UNC79: variants seen among roughly 807,000 people sequenced by gnomAD.
UNC79 encodes protein unc-79 homolog.
UNC79 carries 37 observed loss-of-function variants against 283.1 expected under a neutral mutation model. The ratio of observed to expected loss-of-function variants is 0.13; its 90% CI spans 0.10 to 0.17. The LOEUF (loss-of-function observed/expected upper bound fraction) is 0.17. UNC79 is among the 10% of genes least tolerant of loss of function. The pLI, the probability that UNC79 is intolerant of heterozygous loss-of-function variation, is 1.00. For missense variants in UNC79, 2,272 were observed against 3,211.1 expected (o/e 0.71, Z 7.07); for synonymous variants, 1,107 against 1,200.2 (o/e 0.92, Z 1.61).
intron 30 of UNC79, among the ~76,000 whole-genome samples, chr14:93,628,575 G>T (rs2140039229): frequency 6.6e-6 from 1 of 152,172 alleles, no homozygotes; most frequent in Middle Eastern, 3.4e-3. Flanking sequence ...CCAAATGAAA[G>T]CTCCTGAAGG....
At chr14:93,628,759 A>G (rs1436168260) in intron 30 of UNC79, among the ~76,000 whole-genome samples, 1 of 152,246 alleles carries the variant, frequency 6.6e-6, no homozygotes, top group Non-Finnish European at 1.5e-5. Context: ...TTTATCTTAA[A>G]TTTATGCAAG....
At chr14:93,626,643 C>A (rs1438294662) in intron 30 of UNC79, among the ~76,000 whole-genome samples, 1 of 152,146 alleles carries the variant, frequency 6.6e-6, no homozygotes. Context: ...AAAGTTGTCT[C>A]TTCCAAACTC....
rs540844018 is a variant in UNC79, at chr14:93,344,437, G to A, written c.-351+10914G>A. ...GAAAGTGTCCTAACTTCAGAATAGGGAGAATTCAAACCAGGGCTTTGAACA... is the reference window on the plus strand; with the variant it reads ...GAAAGTGTCCTAACTTCAGAATAGGAAGAATTCAAACCAGGGCTTTGAACA... On this transcript the variant is annotated intron_variant, in intron 1 of 49. Transcript: ENST00000256339. Among the ~76,000 whole-genome samples, 3 of 152,304 alleles carry A rather than the reference G, an allele frequency of 2.0e-5. No homozygotes were observed. The South Asian group carries it at 6.2e-4, about 32-fold the overall frequency.
intron 37 of UNC79, 127 bp from the exon 41 acceptor site, chr14:93,655,107 C>A: frequency 1.0e-6 from 1 of 967,856 alleles, no homozygotes; most frequent in Non-Finnish European, 1.5e-6. Flanking sequence ...CAGGGATTGG[C>A]CTATGTAGTA....
chr14:93,672,865 G>C (rs1366609706), intron 40 of UNC79, among the ~76,000 whole-genome samples: 2 of 152,182 alleles, frequency 1.3e-5, no homozygotes, highest in African/African-American at 4.8e-5. Flanking sequence ...AAAGCAAAAT[G>C]ATGTGATCTG....
At chr14:93,559,904 A>G (rs1466242906) in intron 14 of UNC79, among the ~76,000 whole-genome samples, 1 of 152,086 alleles carries the variant, frequency 6.6e-6, no homozygotes, top group Non-Finnish European at 1.5e-5. Context: ...GGGACAGGGA[A>G]AATTTTTTGG....
chr14:93,393,565 A>AT (rs1383467864), intron 1 of UNC79, among the ~76,000 whole-genome samples: 1 of 152,184 alleles, frequency 6.6e-6, no homozygotes, highest in African/African-American at 2.4e-5. Context: ...TATTCTTGCC[A>AT]TTTTTCTAGG....
intron 7 of UNC79, among the ~76,000 whole-genome samples, chr14:93,503,098 A>T (rs1300389015): frequency 2.0e-5 from 3 of 152,198 alleles, no homozygotes; most frequent in Non-Finnish European, 4.4e-5. Context: ...CCCCAAAGGT[A>T]ACTACTGACA....
At chr14:93,637,286 A>C (rs1358512261) in exon 32 of UNC79, 2 of 1,613,254 alleles carry the variant, frequency 1.2e-6, no homozygotes, top group African/African-American at 2.7e-5. Context: ...AGGGACAGCC[A>C]TTGAGGATGA....
intron 11 of UNC79, among the ~76,000 whole-genome samples, chr14:93,536,782 C>CCTT (rs1567069571): frequency 1.2e-4 from 10 of 82,426 alleles, no homozygotes; most frequent in Admixed American, 1.4e-4. Context: ...CCACCCCCGG[C>CCTT]TTTTTTTTTT....
At chr14:93,670,345 G>T (rs1288437971) in intron 40 of UNC79, among the ~76,000 whole-genome samples, 2 of 152,140 alleles carry the variant, frequency 1.3e-5, no homozygotes, top group Non-Finnish European at 2.9e-5. Flanking sequence ...TTTGCCAATT[G>T]CAGGCTCTGG....
chr14:93,371,271 C>A (rs1595397492), intron 1 of UNC79, among the ~76,000 whole-genome samples: 1 of 151,660 alleles, frequency 6.6e-6, no homozygotes, highest in South Asian at 2.1e-4. Context: ...CCTGAAGTCC[C>A]AGCTACTCGG....
chr14:93,547,392 G>A (rs538828879), intron 14 of UNC79, among the ~76,000 whole-genome samples: 140 of 80,470 alleles, frequency 1.7e-3, no homozygotes, highest in Non-Finnish European at 2.8e-3. Flanking sequence ...AGATTTTCAA[G>A]CGTCCCTCTG....
At chr14:93,548,758 A>G (rs1034822445) in intron 14 of UNC79, among the ~76,000 whole-genome samples, 2 of 152,244 alleles carry the variant, frequency 1.3e-5, no homozygotes, top group Non-Finnish European at 2.9e-5. Context: ...TTTTCCTGTA[A>G]CAAAACCACA....
At chr14:93,539,996 T>G (rs1241957232) in intron 12 of UNC79, among the ~76,000 whole-genome samples, 13 of 152,242 alleles carry the variant, frequency 8.5e-5, no homozygotes, top group Non-Finnish European at 1.3e-4. Context: ...TGTACCTATA[T>G]TTTTTATTTT....
intron 48 of UNC79, among the ~76,000 whole-genome samples, chr14:93,705,907 C>CA (rs1230869970): frequency 6.6e-6 from 1 of 152,202 alleles, no homozygotes; most frequent in Non-Finnish European, 1.5e-5. Flanking sequence ...CGGCTGTCAA[C>CA]AATGACCACA....
At chr14:93,646,675 A>G (rs750977032) in intron 35 of UNC79, 29 bp downstream of exon 38, 2 of 1,612,354 alleles carry the variant, frequency 1.2e-6, no homozygotes, top group African/African-American at 2.7e-5. Context: ...CCCAGATCTC[A>G]CTTTCTTTTC....
At chr14:93,585,449 G>A (rs2064152864) in intron 20 of UNC79, among the ~76,000 whole-genome samples, 1 of 152,162 alleles carries the variant, frequency 6.6e-6, no homozygotes, top group African/African-American at 2.4e-5. Flanking sequence ...GGTCAGATAT[G>A]TCCACCACCA....
At chr14:93,359,358 A>C (rs1014173243) in intron 1 of UNC79, among the ~76,000 whole-genome samples, 1 of 152,200 alleles carries the variant, frequency 6.6e-6, no homozygotes, top group African/African-American at 2.4e-5. Context: ...AATGCTTTGC[A>C]AAACAGATTT....
Sources: gnomAD v4.1 joint callset for allele counts (sites outside exome capture counted in the v4.1 genomes callset) on GRCh38, gnomAD v4.1.1 for gene constraint, MANE v1.5 for transcripts, NCBI Gene and HGNC (gene_info 2026-07-23, HGNC 2026-07-21) for gene names.